The following PFKFB3 variants were observed in gnomAD, a reference collection of about 807,000 sequenced individuals.
The protein encoded by PFKFB3 is 6-phosphofructo-2-kinase/fructose-2,6-bisphosphatase 3.
A neutral mutation model predicts 68.0 loss-of-function variants in PFKFB3; 33 were observed. The ratio of observed to expected loss-of-function variants is 0.49; its 90% CI spans 0.37 to 0.65. PFKFB3 has a LOEUF of 0.65. PFKFB3 is among the 30% of genes least tolerant of loss of function. The pLI, the probability that PFKFB3 is intolerant of heterozygous loss-of-function variation, is 0.00. For missense variants in PFKFB3, 586 were observed against 712.2 expected (o/e 0.82, Z 2.02); for synonymous variants, 315 against 288.2 (o/e 1.09, Z -0.94).
downstream of PFKFB3, chr10:6,235,608 G>A (rs1258198416): frequency 1.3e-5 from 2 of 152,304 alleles, no homozygotes; most frequent in South Asian, 2.1e-4. Context: ...GATGCGCCAC[G>A]GAGCTGCCAA....
At chr10:6,312,762 A>C in the PFKFB3 span, among the ~76,000 whole-genome samples, 3 of 152,208 alleles carry the variant, frequency 2.0e-5, no homozygotes, top group African/African-American at 7.2e-5. Context: ...CCGACTGCTC[A>C]CAGTCAACTT....
At chr10:6,216,003 C>T (rs1844553945) in intron 3 of PFKFB3, 122 bp from the exon 4 acceptor site, 5 of 953,660 alleles carry the variant, frequency 5.2e-6, no homozygotes, top group Non-Finnish European at 8.4e-6. Flanking sequence ...GCCTGCCCAG[C>T]GCTAAGCAGT....
In PFKFB3 at chr10:6,215,271, TACA is replaced by T; in HGVS notation, c.256_258del (p.Asn86del). 6.2e-7 allele frequency: 1 copy of T among 1,613,992 alleles called. No individual in the cohort carries two copies. The highest frequency in any genetic ancestry group is 1.3e-5 in the African/African-American group (1 of 75,016). On this transcript the variant is annotated inframe_deletion, in exon 3 of 15. Transcript: ENST00000379775. This position sits in a 1 kb window ranked among gnomAD's most constrained non-coding sequence, Gnocchi z 4.3. ...GGAGGCTGTGAAGCAGTACAGCTCCTACAACTTCTTCCGCCCCGACAATGAGGA... is the reference window on the plus strand; with the variant it reads ...GGAGGCTGTGAAGCAGTACAGCTCCTACTTCTTCCGCCCCGACAATGAGGA...
the PFKFB3 span, among the ~76,000 whole-genome samples, chr10:6,296,390 C>G: frequency 4.6e-5 from 7 of 152,048 alleles, no homozygotes; most frequent in East Asian, 1.3e-3. Context: ...ATCCAGACAC[C>G]AAGAGAGGGT....
At position 6,210,364 on chromosome 10, in the gene PFKFB3, G is replaced by GTTTTTTTTTTT. The variant is rs1375867755; in HGVS notation, c.77-3255_77-3245dup. 1.4e-4 allele frequency among the ~76,000 whole-genome samples: 8 copies of GTTTTTTTTTTT among 58,638 alleles called. 2 individuals carry two copies. The highest frequency in any genetic ancestry group is 3.1e-4 in the Non-Finnish European group (7 of 22,822). 38.5% of individuals were successfully genotyped at this position (58,638 alleles called of 152,430 possible). A position where few individuals can be genotyped will look rare whatever the true frequency, so the allele number is the denominator to read the frequency against. ...TTTTTTTGTTTTTTTTTGTTTTTTT[G>GTTTTTTTTTTT]TTTTTTTTTTTTTTGAGACGAAGTT... On this transcript the variant is annotated intron_variant, in intron 1 of 14. Coordinates refer to ENST00000379775, the MANE Select transcript of PFKFB3 (RefSeq NM_004566.4).
At chr10:6,151,436 C>T (rs61839728) in intron 1 of PFKFB3, among the ~76,000 whole-genome samples, 3,612 of 152,294 alleles carry the variant, frequency 0.024, 66 homozygotes, top group Non-Finnish European at 0.037. Flanking sequence ...CCCCAGTCCT[C>T]GGCCAGAGAA....
chr10:6,192,691 G>A (rs1798685995), intron 1 of PFKFB3, among the ~76,000 whole-genome samples: 1 of 150,880 alleles, frequency 6.6e-6, no homozygotes, highest in Non-Finnish European at 1.5e-5. Context: ...GTGTGTGTGT[G>A]TGTGTGTGTG....
At chr10:6,146,999 C>T (rs1253231261) in intron 1 of PFKFB3, among the ~76,000 whole-genome samples, 4 of 152,206 alleles carry the variant, frequency 2.6e-5, no homozygotes, top group Non-Finnish European at 2.9e-5. Flanking sequence ...CTGGTGTGAG[C>T]CAGGGCACAG....
At chr10:6,299,238 T>C in the PFKFB3 span, among the ~76,000 whole-genome samples, 1 of 152,350 alleles carries the variant, frequency 6.6e-6, no homozygotes, top group African/African-American at 2.4e-5. Context: ...GTTTGCTTTT[T>C]TCAACGTTGG....
chr10:6,192,139 TACACACACACACACACAC>T (rs60638987), intron 1 of PFKFB3, among the ~76,000 whole-genome samples: 3 of 119,082 alleles, frequency 2.5e-5, no homozygotes, highest in African/African-American at 6.8e-5. Flanking sequence ...CATTCCCCAA[TACACACACACACACACAC>T]ACACACACAC....
rs1020715403 is a variant in PFKFB3 at position 6,182,954 on chromosome 10, G to A, written c.17-30669G>A. Among the ~76,000 whole-genome samples the A allele has an allele frequency of 1.2e-4, 18 of 152,264 alleles. No individual in the cohort carries two copies. The East Asian group carries it at 2.5e-3, about 21-fold the overall frequency. On this transcript the variant is annotated intron_variant, in intron 1 of 14. Transcript: ENST00000379789. ...ATGGGGCCCCACAGACCCACCTGTC[G>A]CCACAGGTTGAGAACATGGATGGGG...
chr10:6,265,229 T>C, the PFKFB3 span, among the ~76,000 whole-genome samples: 1 of 151,800 alleles, frequency 6.6e-6, no homozygotes, highest in African/African-American at 2.4e-5. Context: ...TACAGGTGCA[T>C]GCCACCATGC....
At chr10:6,225,606 AGG>A (rs1845287718) in intron 13 of PFKFB3, among the ~76,000 whole-genome samples, 1 of 152,176 alleles carries the variant, frequency 6.6e-6, no homozygotes, top group East Asian at 1.9e-4. Context: ...CTCTCATGGG[AGG>A]GCTGTGTCTG....
the PFKFB3 span, among the ~76,000 whole-genome samples, chr10:6,280,071 T>C: frequency 6.6e-6 from 1 of 152,194 alleles, no homozygotes; most frequent in African/African-American, 2.4e-5. Context: ...TCGTTACCTT[T>C]GAGCTGTGAC....
At chr10:6,268,828 C>T in the PFKFB3 span, among the ~76,000 whole-genome samples, 1 of 151,316 alleles carries the variant, frequency 6.6e-6, no homozygotes, top group Non-Finnish European at 1.5e-5. Flanking sequence ...TCGAGACCAG[C>T]CTAGGCAACT....
At chr10:6,259,282 A>G (rs1198820175), downstream of PFKFB3, among the ~76,000 whole-genome samples, 3 of 148,160 alleles carry the variant, frequency 2.0e-5, no homozygotes, top group Non-Finnish European at 4.5e-5. Context: ...CCAACCATCC[A>G]TCCATCCACC....
intron 1 of PFKFB3, among the ~76,000 whole-genome samples, chr10:6,192,664 CGT>C (rs34129264): frequency 0.39 from 50,197 of 128,184 alleles, 9,008 homozygotes; most frequent in Non-Finnish European, 0.45. Context: ...TCCCCTCACC[CGT>C]GTGTGTGTGT....
At chr10:6,240,221 T>C (rs1181517280), downstream of PFKFB3, among the ~76,000 whole-genome samples, 1 of 150,746 alleles carries the variant, frequency 6.6e-6, no homozygotes, top group Non-Finnish European at 1.5e-5. Context: ...TTAGACTAGA[T>C]GGTTTTTGGA....
the PFKFB3 span, among the ~76,000 whole-genome samples, chr10:6,280,759 T>C: frequency 6.6e-6 from 1 of 152,052 alleles, no homozygotes; most frequent in African/African-American, 2.4e-5. Flanking sequence ...GAACACTGAA[T>C]TGGGCTTTAT....
Sources: gnomAD v4.1 joint callset for allele counts (sites outside exome capture counted in the v4.1 genomes callset) on GRCh38, gnomAD v4.1.1 for gene constraint, Gnocchi (gnomAD v3.1) non-coding constraint, MANE v1.5 for transcripts, NCBI Gene and HGNC (gene_info 2026-07-23, HGNC 2026-07-21) for gene names.